AGBL4: variants seen among roughly 807,000 people sequenced by gnomAD.
AGBL4 encodes the protein AGBL carboxypeptidase 4.
A neutral mutation model predicts 66.4 loss-of-function variants in AGBL4; 58 were observed. That is an observed-to-expected ratio of 0.87 (90% CI 0.71 to 1.09). The LOEUF (loss-of-function observed/expected upper bound fraction) is 1.09, where lower values mean the gene tolerates loss of function less well. Among genes scored for constraint, AGBL4 ranks in the 50% least tolerant of loss-of-function variants. The pLI is 0.00. For missense variants in AGBL4, 579 were observed against 631.0 expected (o/e 0.92, Z 0.88); for synonymous variants, 234 against 222.9 (o/e 1.05, Z -0.44).
At chr1:49,800,780 G>C (rs1280142415) in intron 2 of AGBL4, among the ~76,000 whole-genome samples, 6 of 105,828 alleles carry the variant, frequency 5.7e-5, no homozygotes, top group African/African-American at 1.1e-4. Flanking sequence ...GGACATTTGG[G>C]TTGGTTCCAA....
At chr1:49,363,782 G>A (rs917861715) in intron 3 of AGBL4, among the ~76,000 whole-genome samples, 1 of 152,180 alleles carries the variant, frequency 6.6e-6, no homozygotes, top group Non-Finnish European at 1.5e-5. Flanking sequence ...TTCATTCAGT[G>A]AGTAAACAAA....
chr1:49,778,426 C>T (rs891089736), intron 2 of AGBL4, among the ~76,000 whole-genome samples: 3 of 152,242 alleles, frequency 2.0e-5, no homozygotes, highest in African/African-American at 7.2e-5. Context: ...ACCTGAGTCC[C>T]TGAAACTCCT....
At chr1:49,856,867 G>A (rs960329919) in intron 1 of AGBL4, among the ~76,000 whole-genome samples, 2 of 151,990 alleles carry the variant, frequency 1.3e-5, no homozygotes, top group Admixed American at 6.6e-5. Context: ...GGTACTGGAT[G>A]TTCTAGCCAG....
chr1:49,968,121 G>T (rs956880690), intron 1 of AGBL4, among the ~76,000 whole-genome samples: 2 of 151,752 alleles, frequency 1.3e-5, no homozygotes, highest in Non-Finnish European at 2.9e-5. Flanking sequence ...TACTCAGGAG[G>T]CTGAGACAGG....
At chr1:49,594,261 G>A (rs921162280) in intron 3 of AGBL4, among the ~76,000 whole-genome samples, 24 of 152,176 alleles carry the variant, frequency 1.6e-4, no homozygotes, top group Non-Finnish European at 3.2e-4. Flanking sequence ...AAGGGAACTG[G>A]ATACCTGTAC....
At chr1:49,983,317 G>A (rs1659228036) in intron 1 of AGBL4, among the ~76,000 whole-genome samples, 1 of 152,218 alleles carries the variant, frequency 6.6e-6, no homozygotes, top group East Asian at 1.9e-4. Context: ...GCATTCTCCA[G>A]TGCCAGACAA....
chr1:49,268,789 G>C (rs1346494577), intron 3 of AGBL4, among the ~76,000 whole-genome samples: 1 of 152,136 alleles, frequency 6.6e-6, no homozygotes, highest in African/African-American at 2.4e-5. Context: ...GCCTTTTCTT[G>C]ATGAGACATT....
intron 2 of AGBL4, among the ~76,000 whole-genome samples, chr1:49,802,503 T>C (rs1644886088): frequency 6.6e-6 from 1 of 152,210 alleles, no homozygotes; most frequent in Non-Finnish European, 1.5e-5. Flanking sequence ...CTGTTTTTAG[T>C]CTCTGTTAGA....
intron 4 of AGBL4, among the ~76,000 whole-genome samples, chr1:49,083,006 TCATTTGACCCCATGTCTCA>T (rs1241738605): frequency 6.6e-6 from 1 of 152,214 alleles, no homozygotes; most frequent in Non-Finnish European, 1.5e-5. Context: ...CAAAAAGATT[TCATTTGACCCCATGTCTCA>T]CATTCAGGTC....
chr1:48,761,154 G>C (rs1479599838), intron 6 of AGBL4: 12 of 628,818 alleles, frequency 1.9e-5, no homozygotes, highest in Non-Finnish European at 3.2e-5. Context: ...GGGCTCTCTA[G>C]AAAGTTGGCC....
chr1:49,714,300 C>A (rs1478977780), intron 2 of AGBL4, among the ~76,000 whole-genome samples: 1 of 151,778 alleles, frequency 6.6e-6, no homozygotes, highest in Admixed American at 6.6e-5. Flanking sequence ...TAGCCATCAC[C>A]TAAATAATGT....
At chr1:49,767,846 CTATAAGAAATTGATG>C (rs1224244649) in intron 2 of AGBL4, among the ~76,000 whole-genome samples, 10 of 151,920 alleles carry the variant, frequency 6.6e-5, no homozygotes, top group Non-Finnish European at 1.5e-4. Flanking sequence ...AGACAATCAT[CTATAAGAAATTGATG>C]AATTCCTGGG....
At chr1:49,555,829 A>T (rs1653397029) in intron 3 of AGBL4, among the ~76,000 whole-genome samples, 1 of 152,130 alleles carries the variant, frequency 6.6e-6, no homozygotes, top group Non-Finnish European at 1.5e-5. Context: ...CCACAATGAG[A>T]TATCATCTCA....
chr1:49,989,066 G>A (rs1659726805), intron 1 of AGBL4, among the ~76,000 whole-genome samples: 1 of 152,132 alleles, frequency 6.6e-6, no homozygotes, highest in Non-Finnish European at 1.5e-5. Context: ...AGTGAAGTTA[G>A]CGTCTAACAG....
intron 6 of AGBL4, among the ~76,000 whole-genome samples, chr1:48,850,293 G>A (rs1570826491): frequency 2.0e-5 from 3 of 152,278 alleles, no homozygotes; most frequent in South Asian, 4.1e-4. Flanking sequence ...AGCCCTGTTT[G>A]CAGCTGTCAG....
At chr1:48,962,126 C>T (rs1463442719) in intron 5 of AGBL4, among the ~76,000 whole-genome samples, 2 of 149,782 alleles carry the variant, frequency 1.3e-5, no homozygotes, top group Non-Finnish European at 2.9e-5. Context: ...TCCATCCATC[C>T]GTCCATCCAT....
intron 1 of AGBL4, among the ~76,000 whole-genome samples, chr1:49,960,276 G>A (rs1657011123): frequency 6.6e-6 from 1 of 151,968 alleles, no homozygotes; most frequent in African/African-American, 2.4e-5. Flanking sequence ...TAACATGGAT[G>A]GAACTGGAGG....
At chr1:49,534,226 A>G (rs1316891480) in intron 3 of AGBL4, among the ~76,000 whole-genome samples, 8 of 151,814 alleles carry the variant, frequency 5.3e-5, no homozygotes, top group Admixed American at 5.3e-4. Context: ...CACAGAATAC[A>G]AGTCAAAATG....
intron 3 of AGBL4, among the ~76,000 whole-genome samples, chr1:49,460,853 T>C (rs888380168): frequency 2.0e-4 from 30 of 151,770 alleles, no homozygotes; most frequent in Non-Finnish European, 3.1e-4. Flanking sequence ...CCTTCATTTA[T>C]GAAGCTTAGT....
Sources: allele counts gnomAD v4.1 joint callset (sites outside exome capture counted in the v4.1 genomes callset), GRCh38; gene constraint gnomAD v4.1.1; transcripts MANE v1.5; gene names NCBI Gene and HGNC (gene_info 2026-07-23, HGNC 2026-07-21).